Variants in BMERB1 observed in about 807,000 individuals in gnomAD.
BMERB1 encodes bMERB domain containing 1, also known as bMERB domain-containing protein 1.
Under a neutral mutation model 23.6 loss-of-function variants are expected in BMERB1, and 12 were observed. That is an observed-to-expected ratio of 0.51 (90% CI 0.33 to 0.82). BMERB1 has a LOEUF of 0.82. BMERB1 is among the 40% of genes least tolerant of loss of function. The pLI, the probability that BMERB1 is intolerant of heterozygous loss-of-function variation, is 0.03. For synonymous variants in BMERB1, 122 were observed against 96.6 expected (o/e 1.26, Z -1.54); for missense variants, 247 against 255.4 (o/e 0.97, Z 0.22).
intron 1 of BMERB1, among the ~76,000 whole-genome samples, chr16:15,444,123 G>GGTTTTTTTTTT (rs2050966312): frequency 2.8e-5 from 1 of 35,610 alleles, no homozygotes; most frequent in Non-Finnish European, 4.6e-5. Context: ...CACCAGCTTT[G>GGTTTTTTTTTT]TTTTTTTTTT....
intron 1 of BMERB1, chr16:15,448,110 A>C: frequency 2.9e-6 from 1 of 341,790 alleles, no homozygotes; most frequent in Non-Finnish European, 5.8e-6. Flanking sequence ...GGCTGGTCTC[A>C]AACTCCTGAC....
chr16:15,569,179 G>A (rs1287709508), intron 3 of BMERB1, among the ~76,000 whole-genome samples: 3 of 152,096 alleles, frequency 2.0e-5, no homozygotes, highest in Non-Finnish European at 4.4e-5. Flanking sequence ...TCTCACCACT[G>A]CACTTCAGCC....
chr16:15,440,153 G>A (rs1178143729), intron 1 of BMERB1, among the ~76,000 whole-genome samples: 1 of 149,414 alleles, frequency 6.7e-6, no homozygotes, highest in Non-Finnish European at 1.5e-5. Context: ...GCTGAGGTGA[G>A]AGAATTGCTT....
intron 2 of BMERB1, among the ~76,000 whole-genome samples, chr16:15,558,007 G>A (rs2030311955): frequency 6.6e-6 from 1 of 151,960 alleles, no homozygotes; most frequent in Admixed American, 6.6e-5. Context: ...TCATGCCACT[G>A]CACTCCAGCC....
intron 1 of BMERB1, among the ~76,000 whole-genome samples, chr16:15,514,162 G>C (rs2051714632): frequency 6.6e-6 from 1 of 151,976 alleles, no homozygotes; most frequent in Non-Finnish European, 1.5e-5. Flanking sequence ...CCAGCTACTT[G>C]GGAGACTGAG....
intron 2 of BMERB1, among the ~76,000 whole-genome samples, chr16:15,559,408 A>G (rs1421277790): frequency 6.6e-6 from 1 of 152,210 alleles, no homozygotes; most frequent in Non-Finnish European, 1.5e-5. Flanking sequence ...CCACATGGAG[A>G]GGAGACAACA....
intron 1 of BMERB1, among the ~76,000 whole-genome samples, chr16:15,452,338 G>GGGAGGGAGAGAA (rs58595961): frequency 7.5e-6 from 1 of 132,632 alleles, no homozygotes; most frequent in Non-Finnish European, 1.7e-5. Flanking sequence ...GAGGGAGAGA[G>GGGAGGGAGAGAA]AGAGAGAGAG....
At chr16:15,476,804 G>C (rs2051278616) in intron 1 of BMERB1, among the ~76,000 whole-genome samples, 1 of 152,112 alleles carries the variant, frequency 6.6e-6, no homozygotes, top group South Asian at 2.1e-4. Context: ...CCACTGGGTG[G>C]GGGATACAGG....
chr16:15,535,376 G>T (rs542421125), intron 2 of BMERB1, among the ~76,000 whole-genome samples: 49 of 151,296 alleles, frequency 3.2e-4, no homozygotes, highest in African/African-American at 1.1e-3. Flanking sequence ...GGCCAGGTGC[G>T]GTGGCTCACG....
At chr16:15,516,778 G>A (rs2051764968) in intron 2 of BMERB1, among the ~76,000 whole-genome samples, 2 of 152,166 alleles carry the variant, frequency 1.3e-5, no homozygotes, top group South Asian at 4.1e-4. Flanking sequence ...AGGCCTCCCA[G>A]CTAGTAAATG....
At chr16:15,557,177 C>T (rs553707296) in intron 2 of BMERB1, among the ~76,000 whole-genome samples, 6 of 152,294 alleles carry the variant, frequency 3.9e-5, no homozygotes, top group African/African-American at 1.2e-4. Flanking sequence ...TTTCCCCTAT[C>T]GTCCCAGCGT....
chr16:15,578,064 G>C (rs1004567652), intron 3 of BMERB1, among the ~76,000 whole-genome samples: 2 of 152,160 alleles, frequency 1.3e-5, no homozygotes, highest in Non-Finnish European at 2.9e-5. Flanking sequence ...CATTCCTTGG[G>C]GGGGAAATCC....
At chr16:15,461,263 A>AC (rs1324349980) in intron 1 of BMERB1, among the ~76,000 whole-genome samples, 3 of 152,070 alleles carry the variant, frequency 2.0e-5, no homozygotes, top group South Asian at 2.1e-4. Flanking sequence ...GGCAGGAGCG[A>AC]CCCCCGGGCT....
At chr16:15,484,681 C>T (rs1256546902) in intron 1 of BMERB1, among the ~76,000 whole-genome samples, 1 of 152,112 alleles carries the variant, frequency 6.6e-6, no homozygotes, top group Non-Finnish European at 1.5e-5. Context: ...AGATTACAGG[C>T]GTGAGCCACC....
intron 2 of BMERB1, among the ~76,000 whole-genome samples, chr16:15,541,541 A>C (rs2150963005): frequency 7.1e-6 from 1 of 140,818 alleles, no homozygotes; most frequent in South Asian, 2.3e-4. Context: ...CTCCTGCTTC[A>C]GCCTCACAAG....
chr16:15,542,665 C>T (rs1478585051), intron 2 of BMERB1, among the ~76,000 whole-genome samples: 3 of 121,704 alleles, frequency 2.5e-5, no homozygotes, highest in Non-Finnish European at 4.8e-5. Flanking sequence ...TGGTCAGGAG[C>T]AGATGAGATA....
chr16:15,434,726 G>A lies in BMERB1; in HGVS notation c.73G>A (p.Glu25Lys), dbSNP rs747604792. Residue 25 changes from glutamate (E) to lysine (K), a missense_variant, in exon 1 of 6, where the codon GAG becomes AAG. By Grantham distance (56) the Glu-to-Lys change is moderately conservative. Coordinates refer to ENST00000300006, the MANE Select transcript of BMERB1 (RefSeq NM_033201.3). ...KPLRRYGAVE[E>K]TAWKTERLGR... ...TCTGAGGCGCTATGGGGCGGTGGAG[G>A]AGACGGCTTGGAAAACGGAGAGACT... 4 of 1,513,126 alleles carry A rather than the reference G, an allele frequency of 2.6e-6. No homozygotes were observed. The highest frequency in any genetic ancestry group is 1.8e-5 in the Admixed American group (1 of 56,712). 93.7% of individuals were successfully genotyped at this position (1,513,126 alleles called of 1,614,324 possible).
chr16:15,576,488 A>C (rs186773515), intron 3 of BMERB1, among the ~76,000 whole-genome samples: 1 of 152,184 alleles, frequency 6.6e-6, no homozygotes, highest in South Asian at 2.1e-4. Flanking sequence ...ATCCAAGCTT[A>C]TGTAAGCACA....
chr16:15,490,059 T>A (rs900307528), intron 1 of BMERB1, among the ~76,000 whole-genome samples: 1 of 151,606 alleles, frequency 6.6e-6, no homozygotes, highest in African/African-American at 2.4e-5. Context: ...AGAGACGGAG[T>A]TTCACCGTAT....
Sources: gnomAD v4.1 joint callset for allele counts (sites outside exome capture counted in the v4.1 genomes callset) on GRCh38, gnomAD v4.1.1 for gene constraint, MANE v1.5 for transcripts, NCBI Gene and HGNC (gene_info 2026-07-23, HGNC 2026-07-21) for gene names.